PCDHA1: variants seen among roughly 807,000 people sequenced by gnomAD.
The protein encoded by PCDHA1 is protocadherin alpha 1, also known as protocadherin alpha-1.
In PCDHA1, 42 loss-of-function variants were observed where a neutral mutation model predicts 61.3. The ratio of observed to expected loss-of-function variants is 0.69; its 90% CI spans 0.54 to 0.89. The LOEUF is 0.89. Ranked by LOEUF, PCDHA1 falls within the 40% of genes least tolerant of loss-of-function variation. The pLI is 0.00. For synonymous variants in PCDHA1, 610 were observed against 553.8 expected (o/e 1.10, Z -1.43); for missense variants, 1,256 against 1,235.3 (o/e 1.02, Z -0.25).
At chr5:140,798,581 C>T (rs7719256) in intron 1 of PCDHA1, among the ~76,000 whole-genome samples, 8,170 of 152,186 alleles carry the variant, frequency 0.054, 723 homozygotes, top group African/African-American at 0.19. Flanking sequence ...CAGAGATTGA[C>T]TACTTTTTTC....
At chr5:140,966,710 G>C in intron 1 of PCDHA1, 1 of 1,391,664 alleles carries the variant, frequency 7.2e-7, no homozygotes, top group African/African-American at 1.5e-5. Context: ...GTGGGGCACG[G>C]CTGGGGAAGC....
rs2150458780 is a variant in PCDHA1 at position 140,849,941 on chromosome 5, T to C, written c.2394+61257T>C. 24 of 1,597,306 alleles carry C rather than the reference T, an allele frequency of 1.5e-5. 4 individuals are homozygous for C. In the Middle Eastern group the frequency reaches 5.4e-4, roughly 36 times the overall value. On this transcript the variant is annotated intron_variant, in intron 1 of 3. Transcript: ENST00000504120. ...TCTTCACGGTGTCTGCGCGGGACGC[T>C]GACGCGCAGGAGAACGCCCTGGTGT...
chr5:140,806,554 A>G (rs1763748640), intron 1 of PCDHA1, among the ~76,000 whole-genome samples: 1 of 152,186 alleles, frequency 6.6e-6, no homozygotes, highest in Non-Finnish European at 1.5e-5. Flanking sequence ...ACATCTGCAA[A>G]TTTCCCTGTC....
At position 140,836,647 on chromosome 5, in the gene PCDHA1, G is replaced by C. The variant is rs2150266694; in HGVS notation, c.2394+47963G>C. The C allele has an allele frequency of 1.3e-5, 21 of 1,613,346 alleles. 1 individual carries two copies. The highest frequency in any genetic ancestry group is 1.6e-5 in the Non-Finnish European group (19 of 1,179,654). ...AGCTGGTCATTCTCCCAGCAGAGGCGGCAGAGGGTGTGCTCTGGGGAGGGC... is the reference window on the plus strand; with the variant it reads ...AGCTGGTCATTCTCCCAGCAGAGGCCGCAGAGGGTGTGCTCTGGGGAGGGC... On this transcript the variant is annotated intron_variant, in intron 1 of 3. Transcript: ENST00000504120.
intron 1 of PCDHA1, chr5:140,883,895 C>T: frequency 6.2e-7 from 1 of 1,613,426 alleles, no homozygotes; most frequent in Non-Finnish European, 8.5e-7. Flanking sequence ...CTCTGGCGTG[C>T]CGCCTCTGGG....
intron 1 of PCDHA1, 170 bp from the exon 2 acceptor site, chr5:140,978,779 C>T: frequency 2.1e-6 from 2 of 969,908 alleles, no homozygotes; most frequent in Non-Finnish European, 2.5e-6. Flanking sequence ...TAATTTTCTT[C>T]TAAAGTGCTA....
At chr5:140,893,119 C>T (rs2063831505) in intron 1 of PCDHA1, among the ~76,000 whole-genome samples, 1 of 152,174 alleles carries the variant, frequency 6.6e-6, no homozygotes, top group Admixed American at 6.5e-5. Context: ...TGTGCATATA[C>T]ACCACATTTT....
At chr5:140,866,125 C>T (rs577622922) in intron 1 of PCDHA1, 6 of 152,174 alleles carry the variant, frequency 3.9e-5, no homozygotes, top group East Asian at 1.9e-4. Flanking sequence ...ATAAGAACTA[C>T]GTATCTGTTG....
chr5:141,006,789 CT>C (rs2098288759), intron 3 of PCDHA1, among the ~76,000 whole-genome samples: 2 of 152,026 alleles, frequency 1.3e-5, no homozygotes, highest in Admixed American at 6.5e-5. Flanking sequence ...GAATAATTAG[CT>C]TTGAACTTTC....
chr5:140,876,920 A>G (rs782247870), intron 1 of PCDHA1: 1 of 1,613,928 alleles, frequency 6.2e-7, no homozygotes, highest in Non-Finnish European at 8.5e-7. Context: ...TGGGACGCGG[A>G]CGCGCAGAAG....
intron 1 of PCDHA1, chr5:140,804,316 A>G (rs1402979588): frequency 3.9e-5 from 6 of 152,094 alleles, no homozygotes; most frequent in African/African-American, 1.4e-4. Context: ...TTTATTTAAT[A>G]CTACTTTAAT....
intron 1 of PCDHA1, chr5:140,807,999 A>T (rs1554124378): frequency 6.2e-7 from 1 of 1,613,834 alleles, no homozygotes; most frequent in Non-Finnish European, 8.5e-7. Flanking sequence ...GATTTAGACG[A>T]AGGATTGAAT....
chr5:140,835,044 G>A lies in PCDHA1; in HGVS notation c.2394+46360G>A, dbSNP rs1554134705. ...CACGGCCACCGATGGAGGCAAACCC[G>A]AGCTGACTGGCACCGTTCAATTACT... On this transcript the variant is annotated intron_variant, in intron 1 of 3. Transcript: ENST00000504120. The A allele has an allele frequency of 1.7e-5, 21 of 1,263,874 alleles. 1 individual carries two copies. The highest frequency in any genetic ancestry group is 1.9e-5 in the Non-Finnish European group (18 of 927,706). 78.3% of individuals were successfully genotyped at this position (1,263,874 alleles called of 1,614,324 possible). A position where few individuals can be genotyped will look rare whatever the true frequency, so the allele number is the denominator to read the frequency against.
At chr5:140,848,598 G>A (rs2150413954) in intron 1 of PCDHA1, 3 of 1,593,830 alleles carry the variant, frequency 1.9e-6, no homozygotes, top group East Asian at 2.2e-5. Flanking sequence ...CCACTACTCC[G>A]TCCCGGAGGA....
Position 140,817,805 on chromosome 5 carries a change from G to A in PCDHA1, c.2394+29121G>A, listed in dbSNP as rs2150099205. Among the ~76,000 whole-genome samples, 979 of 152,180 alleles carry A rather than the reference G, an allele frequency of 6.4e-3. 8 individuals are homozygous for A. The highest frequency in any genetic ancestry group is 0.023 in the African/African-American group (944 of 41,514). On this transcript the variant is annotated intron_variant, in intron 1 of 3. Transcript: ENST00000504120. Reference sequence around the variant, plus strand: ...GGCCTGCTGGTAAAGAAACCTTTACGTTTTTATATATCTGGAAATGTCTTA... The same window carrying A: ...GGCCTGCTGGTAAAGAAACCTTTACATTTTTATATATCTGGAAATGTCTTA...
chr5:140,802,664 G>A, intron 1 of PCDHA1: 1 of 1,613,542 alleles, frequency 6.2e-7, no homozygotes, highest in Non-Finnish European at 8.5e-7. Flanking sequence ...AGAACGCCCT[G>A]GTGTCCTACT....
chr5:140,786,277 G>T lies in PCDHA1; in HGVS notation c.-14G>T, dbSNP rs541036281. The T allele has an allele frequency of 6.3e-7, 1 of 1,586,262 alleles. No individual in the cohort carries two copies. Among genetic ancestry groups the T allele is most frequent in the South Asian group, 1.2e-5 (1 of 86,134 alleles). On this transcript the variant is annotated 5_prime_UTR_variant, in exon 1 of 4. Coordinates refer to ENST00000504120, the MANE Select transcript of PCDHA1 (RefSeq NM_018900.4). ...AGTAAGAGGAGAGCATAAGAAAGGT[G>T]TAGTCCTTTTGCAATGGTGTTTTCT...
chr5:140,905,947 C>T (rs1210025825), intron 1 of PCDHA1, among the ~76,000 whole-genome samples: 7 of 152,124 alleles, frequency 4.6e-5, no homozygotes, highest in African/African-American at 9.7e-5. Context: ...ACTTGGAATC[C>T]GATGTTCAAG....
chr5:140,853,779 T>G lies in PCDHA1; in HGVS notation c.2394+65095T>G, dbSNP rs958716488. On this transcript the variant is annotated intron_variant, in intron 1 of 3. Coordinates refer to ENST00000504120, the MANE Select transcript of PCDHA1 (RefSeq NM_018900.4). ...ACCTCAGAAATTCTGAAATGGGTAG[T>G]AAGAGCAAATTTTCATTTTAAAGCA... 3.5e-5 allele frequency: 35 copies of G among 987,624 alleles called. No individual in the cohort carries two copies. In the African/African-American group the frequency reaches 6.2e-4, roughly 17 times the overall value. 61.2% of individuals were successfully genotyped at this position (987,624 alleles called of 1,614,324 possible).
Sources: allele counts gnomAD v4.1 joint callset (sites outside exome capture counted in the v4.1 genomes callset), GRCh38; gene constraint gnomAD v4.1.1; transcripts MANE v1.5; gene names NCBI Gene and HGNC (gene_info 2026-07-23, HGNC 2026-07-21).